ZFPM2: variants seen among roughly 807,000 people sequenced by gnomAD.
ZFPM2 encodes zinc finger protein ZFPM2.
A neutral mutation model predicts 98.6 loss-of-function variants in ZFPM2; 20 were observed. The ratio of observed to expected loss-of-function variants is 0.20; its 90% CI spans 0.14 to 0.29. The LOEUF (loss-of-function observed/expected upper bound fraction) is 0.29, where lower values mean the gene tolerates loss of function less well. Among genes scored for constraint, ZFPM2 ranks in the 10% least tolerant of loss-of-function variants. The probability of loss-of-function intolerance (pLI) is 1.00; values close to 1 mark genes in which losing one functional copy is unlikely to be tolerated. For missense variants in ZFPM2, 1,310 were observed against 1,388.6 expected, an observed-to-expected ratio of 0.94 and a Z score of 0.90; for synonymous variants, 518 against 502.7, an observed-to-expected ratio of 1.03 and a Z score of -0.41.
intron 1 of ZFPM2, among the ~76,000 whole-genome samples, chr8:105,402,714 C>T (rs1311177303): frequency 6.6e-6 from 1 of 151,960 alleles, no homozygotes; most frequent in Non-Finnish European, 1.5e-5. Flanking sequence ...TGTAATTTGA[C>T]ATTTATAAAA....
At chr8:105,717,540 T>C (rs1358163183) in intron 5 of ZFPM2, among the ~76,000 whole-genome samples, 1 of 151,952 alleles carries the variant, frequency 6.6e-6, no homozygotes, top group African/African-American at 2.4e-5. Flanking sequence ...ATTGAGCACA[T>C]AGTAGATAAC....
intron 5 of ZFPM2, among the ~76,000 whole-genome samples, chr8:105,657,629 A>G (rs1220455840): frequency 6.6e-6 from 1 of 152,308 alleles, no homozygotes; most frequent in Admixed American, 6.5e-5. Flanking sequence ...AAAGGGAAAC[A>G]CATTTTTTGG....
intron 3 of ZFPM2, among the ~76,000 whole-genome samples, chr8:105,446,716 G>A (rs1413509924): frequency 6.6e-6 from 1 of 152,026 alleles, no homozygotes; most frequent in Non-Finnish European, 1.5e-5. Flanking sequence ...GAGAAAATAT[G>A]TATCTCTAAG....
intron 5 of ZFPM2, among the ~76,000 whole-genome samples, chr8:105,699,082 G>A (rs1170491886): frequency 6.6e-6 from 1 of 152,100 alleles, no homozygotes; most frequent in Non-Finnish European, 1.5e-5. Context: ...TCAGACTTAA[G>A]CAATATTAAA....
intron 1 of ZFPM2, among the ~76,000 whole-genome samples, chr8:105,333,504 T>G (rs1476218190): frequency 1.3e-5 from 2 of 151,774 alleles, no homozygotes; most frequent in East Asian, 3.9e-4. Context: ...AAAGTAATTG[T>G]TACTGGGATT....
chr8:105,746,717 A>C (rs1812357732), intron 5 of ZFPM2, among the ~76,000 whole-genome samples: 1 of 147,684 alleles, frequency 6.8e-6, no homozygotes, highest in Admixed American at 6.8e-5. Flanking sequence ...TCCTTTCCCA[A>C]ATCTCTGTTC....
At chr8:105,574,951 A>C (rs909370825) in intron 4 of ZFPM2, among the ~76,000 whole-genome samples, 2 of 151,492 alleles carry the variant, frequency 1.3e-5, no homozygotes, top group African/African-American at 2.4e-5. Flanking sequence ...AAAAAAAAAA[A>C]TAGCACTTGC....
intron 5 of ZFPM2, among the ~76,000 whole-genome samples, chr8:105,759,750 A>G (rs1481444481): frequency 6.6e-6 from 1 of 152,000 alleles, no homozygotes; most frequent in Non-Finnish European, 1.5e-5. Flanking sequence ...GAATTCAGCC[A>G]TGAATTCTTT....
intron 3 of ZFPM2, among the ~76,000 whole-genome samples, chr8:105,558,839 T>A (rs1186887725): frequency 1.3e-5 from 2 of 152,156 alleles, no homozygotes; most frequent in African/African-American, 4.8e-5. Context: ...TTTTTTAACT[T>A]GTATTTAGCT....
In ZFPM2 at chr8:105,803,426, C is replaced by T. The variant is rs1224830764; in HGVS notation, c.3344C>T (p.Pro1115Leu). ...AKGVNGSSQA[P>L]TSGKYCRLCD... ...GGTGTGAATGGTTCCAGCCAGGCTC[C>T]AACCAGTGGGAAATATTGCCGGCTA... Residue 1115 changes from proline to leucine, a missense_variant, in exon 8 of 8, where the codon CCA becomes CTA. Transcript: ENST00000407775. 2 of 1,613,852 alleles carry T rather than the reference C, an allele frequency of 1.2e-6. No individual in the cohort carries two copies. The highest frequency in any genetic ancestry group is 1.7e-6 in the Non-Finnish European group (2 of 1,179,834).
intron 5 of ZFPM2, among the ~76,000 whole-genome samples, chr8:105,761,611 T>C (rs769146107): frequency 6.6e-6 from 1 of 151,956 alleles, no homozygotes; most frequent in Non-Finnish European, 1.5e-5. Flanking sequence ...TTTCTACTTT[T>C]GTCCTTCTAA....
intron 3 of ZFPM2, among the ~76,000 whole-genome samples, chr8:105,546,657 A>C (rs1033894443): frequency 1.1e-4 from 17 of 152,032 alleles, no homozygotes; most frequent in Non-Finnish European, 2.1e-4. Context: ...CATTATACTG[A>C]GTCCTTTATC....
intron 2 of ZFPM2, among the ~76,000 whole-genome samples, chr8:105,434,077 A>G (rs1812073302): frequency 6.6e-6 from 1 of 152,212 alleles, no homozygotes; most frequent in African/African-American, 2.4e-5. Flanking sequence ...AAGATGGGAA[A>G]ACTCTGCATT....
intron 3 of ZFPM2, among the ~76,000 whole-genome samples, chr8:105,447,924 A>G (rs1225161596): frequency 3.3e-5 from 5 of 152,206 alleles, no homozygotes; most frequent in East Asian, 3.9e-4. Flanking sequence ...ATGTTTTGTT[A>G]TCACTATTGC....
intron 5 of ZFPM2, among the ~76,000 whole-genome samples, chr8:105,721,052 A>T (rs1398687089): frequency 6.6e-6 from 1 of 151,934 alleles, no homozygotes; most frequent in Non-Finnish European, 1.5e-5. Context: ...ATGCAGGCAA[A>T]ACCCTGAACG....
At chr8:105,623,423 G>A (rs1901064) in intron 4 of ZFPM2, among the ~76,000 whole-genome samples, 45,690 of 152,092 alleles carry the variant, frequency 0.3, 7,152 homozygotes, top group South Asian at 0.4. Context: ...GTTTATGTCT[G>A]TAGATGGATA....
intron 3 of ZFPM2, among the ~76,000 whole-genome samples, chr8:105,458,438 GT>G (rs368376708): frequency 6.6e-6 from 1 of 151,768 alleles, no homozygotes; most frequent in African/African-American, 2.4e-5. Flanking sequence ...AAAAAAATTT[GT>G]TTTCCCCCCA....
intron 3 of ZFPM2, among the ~76,000 whole-genome samples, chr8:105,549,658 G>C (rs1177247885): frequency 1.3e-5 from 2 of 149,838 alleles, no homozygotes; most frequent in Non-Finnish European, 3.0e-5. Context: ...GTTTTCCAGA[G>C]TGAAGGGCAG....
chr8:105,615,653 C>T (rs1476173893), intron 4 of ZFPM2, among the ~76,000 whole-genome samples: 3 of 152,092 alleles, frequency 2.0e-5, no homozygotes, highest in Admixed American at 2.0e-4. Context: ...GGCTGAGAAA[C>T]ACTGGAGAAG....
Sources: allele counts gnomAD v4.1 joint callset (sites outside exome capture counted in the v4.1 genomes callset), GRCh38; gene constraint gnomAD v4.1.1; transcripts MANE v1.5; gene names NCBI Gene and HGNC (gene_info 2026-07-23, HGNC 2026-07-21).